DYM: variants seen among roughly 807,000 people sequenced by gnomAD.
The protein encoded by DYM is dymeclin.
A neutral mutation model predicts 93.1 loss-of-function variants in DYM; 78 were observed. That is an observed-to-expected ratio of 0.84 (90% CI 0.70 to 1.01). DYM has a LOEUF of 1.01. Ranked by LOEUF, DYM falls within the 50% of genes least tolerant of loss-of-function variation. The pLI, the probability that DYM is intolerant of heterozygous loss-of-function variation, is 0.00. For synonymous variants in DYM, 321 were observed against 319.7 expected, an observed-to-expected ratio of 1.00 and a Z score of -0.04; for missense variants, 789 against 845.0, an observed-to-expected ratio of 0.93 and a Z score of 0.82.
chr18:49,433,343 G>A (rs9967568), intron 1 of DYM, among the ~76,000 whole-genome samples: 3,629 of 152,228 alleles, frequency 0.024, 137 homozygotes, highest in African/African-American at 0.081. Flanking sequence ...ATTCAAGAAA[G>A]GTCATGTAAT....
intron 6 of DYM, among the ~76,000 whole-genome samples, chr18:49,336,680 C>T (rs2063699318): frequency 6.6e-6 from 1 of 152,114 alleles, no homozygotes; most frequent in African/African-American, 2.4e-5. Flanking sequence ...TCTAGACAGG[C>T]ATTATGCTAC....
intron 13 of DYM, among the ~76,000 whole-genome samples, chr18:49,252,128 G>T (rs12962934): frequency 0.014 from 2,091 of 146,046 alleles, 50 homozygotes; most frequent in African/African-American, 0.05. Context: ...TGAGGCAGGA[G>T]AGTTGCTTGA....
chr18:49,389,795 C>T (rs924576182), intron 3 of DYM, among the ~76,000 whole-genome samples: 1 of 152,072 alleles, frequency 6.6e-6, no homozygotes, highest in African/African-American at 2.4e-5. Flanking sequence ...CCTAAAGTTA[C>T]CAGTATTACA....
At chr18:49,427,384 A>C (rs1202238182) in intron 2 of DYM, among the ~76,000 whole-genome samples, 1 of 152,176 alleles carries the variant, frequency 6.6e-6, no homozygotes, top group Non-Finnish European at 1.5e-5. Context: ...GTGGACACCT[A>C]TATTCTACAT....
chr18:49,378,592 A>C lies in DYM; in HGVS notation c.396T>G (p.Tyr132Ter). ...TGTAATTGCCAGGAGATTTTTCTTC[A>C]TAAGTAAAATGAAGTTGTAATTCCT... Reference protein sequence around the residue: ...SEEELQLHFTYEEKSPGNYSS... With the variant: ...SEEELQLHFT Residue 132 changes from tyrosine (Y) to a stop codon, truncating the protein, a stop_gained, in exon 5 of 18, where the codon TAT (tyrosine) becomes TAG (stop). Coordinates refer to ENST00000675505, the MANE Select transcript of DYM (RefSeq NM_001353214.3). LOFTEE classifies it high-confidence loss of function. 2 of 1,611,986 alleles carry C rather than the reference A, an allele frequency of 1.2e-6. No homozygotes were observed.
intron 3 of DYM, among the ~76,000 whole-genome samples, chr18:49,388,149 G>A (rs1271588518): frequency 1.3e-5 from 2 of 151,950 alleles, no homozygotes; most frequent in African/African-American, 2.4e-5. Flanking sequence ...ACATAACATG[G>A]CAAGATCCCA....
At chr18:49,168,003 C>T (rs1376186067) in intron 14 of DYM, among the ~76,000 whole-genome samples, 3 of 151,216 alleles carry the variant, frequency 2.0e-5, no homozygotes, top group Non-Finnish European at 2.9e-5. Flanking sequence ...ATCTCAAAAA[C>T]AATGTTGAGT....
intron 11 of DYM, among the ~76,000 whole-genome samples, chr18:49,268,010 GTC>G (rs1256460688): frequency 2.0e-5 from 3 of 152,002 alleles, no homozygotes; most frequent in South Asian, 4.1e-4. Flanking sequence ...GGTATATGAG[GTC>G]TCTCTTACTT....
At chr18:49,148,404 A>G (rs921322976) in intron 15 of DYM, among the ~76,000 whole-genome samples, 1 of 152,182 alleles carries the variant, frequency 6.6e-6, no homozygotes, top group Admixed American at 6.5e-5. Context: ...CATTTTAAAA[A>G]TATATTTAAC....
At chr18:49,122,362 C>T (rs1187697679) in intron 15 of DYM, among the ~76,000 whole-genome samples, 1 of 151,946 alleles carries the variant, frequency 6.6e-6, no homozygotes, top group Admixed American at 6.6e-5. Context: ...TTAAAACTCA[C>T]TACCTGAAAG....
intron 3 of DYM, among the ~76,000 whole-genome samples, chr18:49,387,933 A>G (rs945721477): frequency 2.0e-5 from 3 of 152,222 alleles, no homozygotes; most frequent in African/African-American, 7.2e-5. Context: ...GTATACAAGA[A>G]TGCTCTATAC....
At chr18:49,451,828 T>C (rs2082541030) in intron 1 of DYM, among the ~76,000 whole-genome samples, 1 of 152,210 alleles carries the variant, frequency 6.6e-6, no homozygotes, top group South Asian at 2.1e-4. Context: ...CCTAGTCACA[T>C]TAATTGTTTT....
chr18:49,125,336 G>A (rs1319248608), intron 15 of DYM, among the ~76,000 whole-genome samples: 1 of 152,058 alleles, frequency 6.6e-6, no homozygotes, highest in East Asian at 1.9e-4. Context: ...TTCCTTTCTG[G>A]TTATACCCAG....
intron 14 of DYM, among the ~76,000 whole-genome samples, chr18:49,194,726 T>C (rs912690989): frequency 6.6e-6 from 1 of 152,152 alleles, no homozygotes; most frequent in Non-Finnish European, 1.5e-5. Context: ...ATCTTAACAA[T>C]ACTCTCATAA....
intron 15 of DYM, among the ~76,000 whole-genome samples, chr18:49,150,691 A>G (rs1486996965): frequency 6.6e-6 from 1 of 152,232 alleles, no homozygotes; most frequent in Non-Finnish European, 1.5e-5. Context: ...TGGATCATTC[A>G]TTCAGCAACC....
intron 16 of DYM, among the ~76,000 whole-genome samples, chr18:49,102,931 A>G (rs989845406): frequency 6.6e-5 from 10 of 152,196 alleles, no homozygotes; most frequent in African/African-American, 2.2e-4. Context: ...GTATATATCC[A>G]GTAATGGGAT....
At chr18:49,361,744 G>T (rs1029400111) in intron 6 of DYM, among the ~76,000 whole-genome samples, 2 of 151,828 alleles carry the variant, frequency 1.3e-5, no homozygotes, top group Admixed American at 6.6e-5. Flanking sequence ...TTTTTGTGAC[G>T]TAGTCTCGCT....
intron 5 of DYM, among the ~76,000 whole-genome samples, chr18:49,364,032 G>A (rs574379159): frequency 6.6e-6 from 1 of 152,250 alleles, no homozygotes; most frequent in Admixed American, 6.5e-5. Context: ...TCTTCCCAGT[G>A]TCTGCTTCCT....
intron 14 of DYM, among the ~76,000 whole-genome samples, chr18:49,179,903 T>C (rs2089750676): frequency 6.6e-6 from 1 of 152,164 alleles, no homozygotes; most frequent in East Asian, 1.9e-4. Flanking sequence ...AAAGCATGAA[T>C]CTGTTGAACT....
Sources: gnomAD v4.1 joint callset for allele counts (sites outside exome capture counted in the v4.1 genomes callset) on GRCh38, gnomAD v4.1.1 for gene constraint, MANE v1.5 for transcripts, NCBI Gene and HGNC (gene_info 2026-07-23, HGNC 2026-07-21) for gene names.